Variants in ERBB4 observed in about 807,000 individuals in gnomAD.
ERBB4 encodes the protein receptor tyrosine-protein kinase erbB-4.
In ERBB4, 42 loss-of-function variants were observed where a neutral mutation model predicts 158.0. The observed-to-expected ratio is 0.27, with a 90% CI of 0.21 to 0.34. The LOEUF (loss-of-function observed/expected upper bound fraction) is 0.34. Ranked by LOEUF, ERBB4 falls within the 10% of genes least tolerant of loss-of-function variation. The pLI is 1.00. For synonymous variants in ERBB4, 583 were observed against 558.7 expected, an observed-to-expected ratio of 1.04 and a Z score of -0.61; for missense variants, 1,333 against 1,624.1, an observed-to-expected ratio of 0.82 and a Z score of 3.08.
intron 7 of ERBB4, among the ~76,000 whole-genome samples, chr2:211,714,809 A>AAAT (rs2073839983): frequency 6.6e-6 from 1 of 152,198 alleles, no homozygotes; most frequent in African/African-American, 2.4e-5. Context: ...TTCCATTGTA[A>AAAT]AATTAAAGTA....
At chr2:212,120,194 G>A (rs775460108) in intron 2 of ERBB4, among the ~76,000 whole-genome samples, 39 of 152,090 alleles carry the variant, frequency 2.6e-4, no homozygotes, top group Admixed American at 8.5e-4. Context: ...TTCTATCTGC[G>A]CAGCTCTCTA....
At chr2:211,772,836 CACATATATATATAT>C (rs1559504229) in intron 4 of ERBB4, among the ~76,000 whole-genome samples, 6 of 7,248 alleles carry the variant, frequency 8.3e-4, no homozygotes, top group African/African-American at 3.5e-3. Context: ...TATATATATA[CACATATATATATAT>C]ATATATATAT....
intron 3 of ERBB4, among the ~76,000 whole-genome samples, chr2:211,936,008 G>C (rs2080312267): frequency 6.6e-6 from 1 of 151,882 alleles, no homozygotes; most frequent in Non-Finnish European, 1.5e-5. Flanking sequence ...CAAAACCAAA[G>C]GCACAAAGCC....
intron 22 of ERBB4, among the ~76,000 whole-genome samples, chr2:211,427,567 G>A (rs1280254266): frequency 6.6e-6 from 1 of 151,994 alleles, no homozygotes; most frequent in Non-Finnish European, 1.5e-5. Context: ...TCCACAAGTA[G>A]TTTGTAAATT....
intron 1 of ERBB4, among the ~76,000 whole-genome samples, chr2:212,401,837 A>T (rs1473432919): frequency 6.6e-6 from 1 of 152,148 alleles, no homozygotes; most frequent in Non-Finnish European, 1.5e-5. Flanking sequence ...ATGCCATTAC[A>T]TACCTATCAG....
intron 4 of ERBB4, 152 bp downstream of exon 4, chr2:211,787,873 T>G: frequency 3.0e-6 from 2 of 677,928 alleles, no homozygotes; most frequent in East Asian, 5.5e-5. Flanking sequence ...AAGTAAAAGG[T>G]TGATCAGCCA....
At chr2:211,428,621 A>T (rs2063685835) in intron 21 of ERBB4, 138 bp from the exon 22 acceptor site, 2 of 474,642 alleles carry the variant, frequency 4.2e-6, no homozygotes, top group African/African-American at 4.0e-5. Flanking sequence ...TATAACTATA[A>T]ATATATGTTA....
chr2:211,738,162 C>A (rs1022483223), intron 5 of ERBB4, among the ~76,000 whole-genome samples: 1 of 152,032 alleles, frequency 6.6e-6, no homozygotes, highest in Non-Finnish European at 1.5e-5. Context: ...CTGTTCCAAG[C>A]TCATACTTTC....
intron 1 of ERBB4, among the ~76,000 whole-genome samples, chr2:212,497,178 CA>C (rs397987683): frequency 0.28 from 18,041 of 64,048 alleles, 1,012 homozygotes; most frequent in Non-Finnish European, 0.33. Context: ...AACTCCATCT[CA>C]AAAAAAAAAA....
At chr2:212,210,450 T>C (rs551158996) in intron 1 of ERBB4, among the ~76,000 whole-genome samples, 2 of 152,190 alleles carry the variant, frequency 1.3e-5, no homozygotes, top group South Asian at 4.1e-4. Context: ...ATTTACTGGC[T>C]TCAAGAAATC....
chr2:211,527,600 A>G (rs750042317), intron 20 of ERBB4, among the ~76,000 whole-genome samples: 1 of 152,114 alleles, frequency 6.6e-6, no homozygotes, highest in Non-Finnish European at 1.5e-5. Context: ...TATTTTAAGT[A>G]GAAGGACTAA....
At chr2:212,124,073 CA>C (rs1489635825) in intron 2 of ERBB4, among the ~76,000 whole-genome samples, 1 of 152,102 alleles carries the variant, frequency 6.6e-6, no homozygotes, top group African/African-American at 2.4e-5. Flanking sequence ...CCAGTTAAAG[CA>C]AAACTTAAGA....
chr2:212,316,806 T>G (rs1428300365), intron 1 of ERBB4, among the ~76,000 whole-genome samples: 1 of 151,574 alleles, frequency 6.6e-6, no homozygotes, highest in East Asian at 2.0e-4. Context: ...CACTGACATG[T>G]ACACTCTAAA....
At chr2:212,128,885 G>A (rs1045407823) in intron 1 of ERBB4, among the ~76,000 whole-genome samples, 1 of 151,982 alleles carries the variant, frequency 6.6e-6, no homozygotes, top group East Asian at 1.9e-4. Context: ...AATCAAGATC[G>A]AAGTCCAAGA....
intron 1 of ERBB4, among the ~76,000 whole-genome samples, chr2:212,499,656 T>C (rs952162808): frequency 2.0e-5 from 3 of 152,074 alleles, no homozygotes; most frequent in African/African-American, 7.2e-5. Context: ...GATGATAGCA[T>C]AAAATCAATA....
chr2:212,188,246 C>CTCTCT, intron 1 of ERBB4, among the ~76,000 whole-genome samples: 1 of 69,118 alleles, frequency 1.4e-5, no homozygotes, highest in Admixed American at 1.6e-4. Context: ...CCCCCCCTCT[C>CTCTCT]ACCCCCTCCC....
chr2:211,677,573 A>G (rs2105952507), intron 13 of ERBB4, among the ~76,000 whole-genome samples: 1 of 149,250 alleles, frequency 6.7e-6, no homozygotes, highest in East Asian at 2.0e-4. Context: ...CAAAAAAAAT[A>G]AATTAAAAAA....
intron 19 of ERBB4, among the ~76,000 whole-genome samples, chr2:211,609,216 C>T (rs986580267): frequency 6.6e-6 from 1 of 152,100 alleles, no homozygotes; most frequent in Admixed American, 6.5e-5. Context: ...TGAAAGCCAG[C>T]CATAAAATCT....
chr2:212,493,054 T>C (rs2106207252), intron 1 of ERBB4, among the ~76,000 whole-genome samples: 1 of 151,602 alleles, frequency 6.6e-6, no homozygotes, highest in South Asian at 2.1e-4. Flanking sequence ...ACGTATGGTG[T>C]TAAATACATT....
Sources: allele counts gnomAD v4.1 joint callset (sites outside exome capture counted in the v4.1 genomes callset), GRCh38; gene constraint gnomAD v4.1.1; transcripts MANE v1.5; gene names NCBI Gene and HGNC (gene_info 2026-07-23, HGNC 2026-07-21).